The following FNBP1 variants were observed in gnomAD, a reference collection of about 807,000 sequenced individuals.
FNBP1 encodes formin binding protein 1.
A neutral mutation model predicts 90.6 loss-of-function variants in FNBP1; 26 were observed. The observed-to-expected ratio is 0.29, with a 90% CI of 0.21 to 0.40. The LOEUF (loss-of-function observed/expected upper bound fraction) is 0.40. Among genes scored for constraint, FNBP1 ranks in the 10% least tolerant of loss-of-function variants. The pLI is 1.00. For synonymous variants in FNBP1, 260 were observed against 265.2 expected, an observed-to-expected ratio of 0.98 and a Z score of 0.19; for missense variants, 635 against 768.0, an observed-to-expected ratio of 0.83 and a Z score of 2.05.
At chr9:129,961,089 A>G (rs1295322702) in intron 4 of FNBP1, among the ~76,000 whole-genome samples, 1 of 151,928 alleles carries the variant, frequency 6.6e-6, no homozygotes, top group African/African-American at 2.4e-5. Context: ...AAGGTGGGCG[A>G]ACCACCAAAG....
chr9:130,044,143 A>G (rs1186725069), upstream of FNBP1, among the ~76,000 whole-genome samples: 1 of 150,992 alleles, frequency 6.6e-6, no homozygotes, highest in East Asian at 1.9e-4. Context: ...TGGAATTCCA[A>G]CTCCTGAATC....
rs1359991043 is a variant in FNBP1 at position 129,998,181 on chromosome 9, C to CA, written c.25-3224dup. On this transcript the variant is annotated intron_variant, in intron 1 of 16. Coordinates refer to ENST00000446176, the MANE Select transcript of FNBP1 (RefSeq NM_015033.3). ...ACTGCACTCCAGTCTGGGCGAAAGACAGAGACTCTGTCTCGAAAAAAAAAA... is the reference window on the plus strand; with the variant it reads ...ACTGCACTCCAGTCTGGGCGAAAGACAAGAGACTCTGTCTCGAAAAAAAAAA... Among the ~76,000 whole-genome samples, 8 of 97,536 alleles carry CA rather than the reference C, an allele frequency of 8.2e-5. No homozygotes were observed. In the South Asian group the frequency reaches 2.7e-3, roughly 33 times the overall value. The allele number at this position is 97,536 out of a possible 152,430, so 64.0% of individuals were successfully genotyped here.
intron 2 of FNBP1, among the ~76,000 whole-genome samples, chr9:129,994,040 T>C (rs753480020): frequency 6.6e-5 from 10 of 152,182 alleles, no homozygotes; most frequent in Non-Finnish European, 1.5e-4. Context: ...GCTAAGCATA[T>C]GAGTAGCCTG....
rs997224165 is a variant in FNBP1, at chr9:129,966,158, G to A, written c.346-7605C>T. On this transcript the variant is annotated intron_variant, in intron 4 of 16. Coordinates refer to ENST00000446176, the MANE Select transcript of FNBP1 (RefSeq NM_015033.3). This position sits in a 1 kb window ranked among gnomAD's most constrained non-coding sequence, Gnocchi z 4.3. ...GGAATAAGGAGGGATGGGTGTAGGT[G>A]AAGGTAGCTATTTTAGACAAGGGCA... Among the ~76,000 whole-genome samples the A allele has an allele frequency of 1.9e-4, 29 of 152,174 alleles. No individual in the cohort carries two copies. The highest frequency in any genetic ancestry group is 7.0e-4 in the African/African-American group (29 of 41,434).
intron 6 of FNBP1, among the ~76,000 whole-genome samples, chr9:129,948,641 C>G (rs1284721821): frequency 6.6e-6 from 1 of 152,052 alleles, no homozygotes; most frequent in Non-Finnish European, 1.5e-5. Context: ...TTCCTGGGTT[C>G]AAGCGATTCT....
chr9:130,043,426 C>T (rs572828234), upstream of FNBP1, among the ~76,000 whole-genome samples: 5 of 152,224 alleles, frequency 3.3e-5, no homozygotes, highest in African/African-American at 1.2e-4. Flanking sequence ...CTGGTAATGA[C>T]TTCTTAGTGA....
At chr9:129,955,675 C>G (rs995844281) in intron 6 of FNBP1, among the ~76,000 whole-genome samples, 4 of 151,650 alleles carry the variant, frequency 2.6e-5, no homozygotes, top group Non-Finnish European at 5.9e-5. Context: ...TAGCCAAGAT[C>G]ACACCACTGC....
intron 16 of FNBP1, among the ~76,000 whole-genome samples, chr9:129,894,633 G>A (rs1439833021): frequency 6.6e-6 from 1 of 152,206 alleles, no homozygotes; most frequent in African/African-American, 2.4e-5. Flanking sequence ...GCAAGCGTGA[G>A]TGCAGCTCTA....
intron 4 of FNBP1, among the ~76,000 whole-genome samples, chr9:129,976,274 G>A (rs2050295557): frequency 6.6e-6 from 1 of 152,054 alleles, no homozygotes; most frequent in African/African-American, 2.4e-5. Flanking sequence ...CTGCCTCCCT[G>A]GCCTCTTCTC....
At chr9:129,926,427 G>C (rs2041918643) in intron 8 of FNBP1, among the ~76,000 whole-genome samples, 1 of 152,182 alleles carries the variant, frequency 6.6e-6, no homozygotes, top group Non-Finnish European at 1.5e-5. Context: ...AGAAGCTTTT[G>C]CCCTCCCAGA....
At chr9:129,922,969 C>G (rs2041318881) in intron 10 of FNBP1, among the ~76,000 whole-genome samples, 1 of 151,920 alleles carries the variant, frequency 6.6e-6, no homozygotes, top group African/African-American at 2.4e-5. Context: ...AATCTTCCTG[C>G]CTCGGCCTTC....
At chr9:129,896,906 C>A (rs959182575) in intron 15 of FNBP1, among the ~76,000 whole-genome samples, 1 of 152,240 alleles carries the variant, frequency 6.6e-6, no homozygotes, top group African/African-American at 2.4e-5. Flanking sequence ...GCTGGGATTA[C>A]AGGCGTGAGC....
chr9:129,903,066 CT>C, intron 12 of FNBP1, 65 bp from the exon 13 acceptor site: 34 of 1,483,884 alleles, frequency 2.3e-5, no homozygotes, highest in Non-Finnish European at 3.0e-5. Flanking sequence ...CAGTTTCACT[CT>C]TGTCACCCAG....
At chr9:129,953,224 G>T (rs868723679) in intron 6 of FNBP1, among the ~76,000 whole-genome samples, 6 of 152,218 alleles carry the variant, frequency 3.9e-5, no homozygotes, top group African/African-American at 1.4e-4. Flanking sequence ...GGTGGCTCAC[G>T]CCTGTAATCG....
At chr9:129,948,683 C>T (rs2045721568) in intron 6 of FNBP1, among the ~76,000 whole-genome samples, 1 of 152,086 alleles carries the variant, frequency 6.6e-6, no homozygotes, top group Non-Finnish European at 1.5e-5. Context: ...GCTGGGATTA[C>T]AGGCACGTGC....
At chr9:130,017,962 G>A (rs1205541991) in intron 1 of FNBP1, among the ~76,000 whole-genome samples, 1 of 131,084 alleles carries the variant, frequency 7.6e-6, no homozygotes, top group African/African-American at 2.9e-5. Flanking sequence ...CGCCCAGGCT[G>A]GAGTGCAGCG....
chr9:129,913,654 C>T (rs1287893790), intron 11 of FNBP1, among the ~76,000 whole-genome samples: 1 of 151,866 alleles, frequency 6.6e-6, no homozygotes, highest in East Asian at 1.9e-4. Context: ...CCCTATAATC[C>T]CAGCTACTCG....
rs891558977 is a variant in FNBP1, at chr9:129,889,606, G to A, written c.*933C>T. 9.0e-6 allele frequency: 2 copies of A among 221,698 alleles called. No homozygotes were observed. Among genetic ancestry groups the A allele is most frequent in the African/African-American group, 4.5e-5 (2 of 44,402 alleles). The allele number at this position is 221,698 out of a possible 1,614,324, so 13.7% of individuals were successfully genotyped here. On this transcript the variant is annotated 3_prime_UTR_variant, in exon 17 of 17. Coordinates refer to ENST00000446176, the MANE Select transcript of FNBP1 (RefSeq NM_015033.3). ...AAAAAACAACAACAAAAAAGGAAGT[G>A]CTACCCTTTTCAGATGCTAATCCTG...
At position 130,011,215 on chromosome 9, in the gene FNBP1, C is replaced by CAAAA. The variant is rs1192541205; in HGVS notation, c.25-16261_25-16258dup. Among the ~76,000 whole-genome samples the CAAAA allele has an allele frequency of 2.2e-3, 30 of 13,422 alleles. 3 individuals carry two copies. Among genetic ancestry groups the CAAAA allele is most frequent in the East Asian group, 4.2e-3 (1 of 238 alleles). 8.8% of individuals were successfully genotyped at this position (13,422 alleles called of 152,430 possible). On this transcript the variant is annotated intron_variant, in intron 1 of 16. Transcript: ENST00000446176. ...TGGGTGACAGAGTGAGACTCCATCT[C>CAAAA]AAAAAAAAAAAAAAAAAAAAAAAAA... is the stretch of plus-strand genomic sequence containing the variant.
Sources: gnomAD v4.1 joint callset for allele counts (sites outside exome capture counted in the v4.1 genomes callset) on GRCh38, gnomAD v4.1.1 for gene constraint, Gnocchi (gnomAD v3.1) non-coding constraint, MANE v1.5 for transcripts, NCBI Gene and HGNC (gene_info 2026-07-23, HGNC 2026-07-21) for gene names.